The following ADRA1B variants were observed in gnomAD, a reference collection of about 807,000 sequenced individuals.
The protein encoded by ADRA1B is alpha-1B adrenergic receptor.
ADRA1B carries 17 observed loss-of-function variants against 17.9 expected under a neutral mutation model. The observed-to-expected ratio is 0.95, with a 90% CI of 0.65 to 1.42. The LOEUF is 1.42. Among genes scored for constraint, ADRA1B ranks in the 40% most tolerant of loss-of-function variants. The pLI is 0.00. For synonymous variants in ADRA1B, 366 were observed against 327.6 expected, an observed-to-expected ratio of 1.12 and a Z score of -1.27; for missense variants, 681 against 722.1, an observed-to-expected ratio of 0.94 and a Z score of 0.65.
intron 1 of ADRA1B, among the ~76,000 whole-genome samples, chr5:159,892,772 G>A (rs1753998849): frequency 6.6e-6 from 1 of 152,158 alleles, no homozygotes; most frequent in South Asian, 2.1e-4. Context: ...CTTTGCTACT[G>A]TGAATAGTGT....
At position 159,907,891 on chromosome 5, in the gene ADRA1B, C is replaced by T. The variant is rs200430660; in HGVS notation, c.-255-8228C>T. On this transcript the variant is annotated intron_variant, in intron 1 of 2. Transcript: ENST00000641205. ...AAGCTACTTCCTTAGGGCTAACTGG[C>T]GTTTCTCATGCTGTCTTTGTCTTTG... Among the ~76,000 whole-genome samples the T allele has an allele frequency of 1.2e-4, 18 of 152,028 alleles. No individual in the cohort carries two copies. In the East Asian group the frequency reaches 2.3e-3, roughly 20 times the overall value.
At chr5:159,974,401 G>A (rs1467416540), downstream of ADRA1B, among the ~76,000 whole-genome samples, 2 of 152,274 alleles carry the variant, frequency 1.3e-5, no homozygotes, top group African/African-American at 2.4e-5. Context: ...TTGGGAGGCC[G>A]AGACGGGTGG....
intron 1 of ADRA1B, among the ~76,000 whole-genome samples, chr5:159,908,803 G>C (rs1038559432): frequency 2.0e-5 from 3 of 152,154 alleles, no homozygotes; most frequent in African/African-American, 7.2e-5. Flanking sequence ...AATTCAAATG[G>C]GGCCAAAGAA....
In ADRA1B at chr5:159,954,232, A is replaced by AATTT. The variant is rs139587864; in HGVS notation, c.950-17643_950-17640dup. 1.9e-3 allele frequency among the ~76,000 whole-genome samples: 293 copies of AATTT among 152,168 alleles called. 1 individual carries two copies. The East Asian group carries it at 0.031, about 16-fold the overall frequency. On this transcript the variant is annotated intron_variant, in intron 1 of 1. Transcript: ENST00000306675. Reference sequence around the variant, plus strand: ...GACCAGGTGGCTTATCAACAACAGAAATTTATTCCTCACAGTTCTGGAGGC... The same window carrying AATTT: ...GACCAGGTGGCTTATCAACAACAGAAATTTATTTATTCCTCACAGTTCTGGAGGC...
At chr5:159,891,413 C>A (rs1753982177) in intron 1 of ADRA1B, among the ~76,000 whole-genome samples, 2 of 152,176 alleles carry the variant, frequency 1.3e-5, no homozygotes, top group Admixed American at 6.5e-5. Context: ...TAAGACCCAG[C>A]CCCTCAGGGA....
At chr5:159,875,024 G>A (rs1183813489) in intron 1 of ADRA1B, among the ~76,000 whole-genome samples, 1 of 152,078 alleles carries the variant, frequency 6.6e-6, no homozygotes, top group Admixed American at 6.6e-5. Context: ...AAACAGGATG[G>A]CAATTTCCTG....
chr5:159,905,577 G>A lies in ADRA1B; in HGVS notation c.-255-10542G>A, dbSNP rs1323278132. On this transcript the variant is annotated intron_variant, in intron 1 of 2. Transcript: ENST00000641205. ...CCATTAGACAATGCACTAGTCCCTT[G>A]GAGGAACAAAAAGAAACACTGCCCT... Among the ~76,000 whole-genome samples the A allele has an allele frequency of 3.9e-5, 6 of 152,174 alleles. No homozygotes were observed. In the East Asian group the frequency reaches 1.2e-3, roughly 29 times the overall value.
In ADRA1B at chr5:159,972,334, G is replaced by T; in HGVS notation, c.1405G>T (p.Asp469Tyr). The change falls in exon 2 of 2, where the codon GAC (aspartate) becomes TAC (tyrosine). Residue 469 changes from aspartate (D) to tyrosine (Y), a missense_variant. Asp to Tyr is a radical substitution (Grantham distance 160). Around this residue, in one of 3 missense-constraint regions of ADRA1B, gnomAD observed 251 missense variants for 224.9 expected, o/e 1.12. Transcript: ENST00000306675. ...GCCCCCCGGCCGCCGCGGCCGCCACGACTCGGGCCCGCTCTTCACCTTCAA... is the reference window on the plus strand; with the variant it reads ...GCCCCCCGGCCGCCGCGGCCGCCACTACTCGGGCCCGCTCTTCACCTTCAA... Reference protein sequence around the residue: ...PEPPGRRGRHDSGPLFTFKLL... With the variant: ...PEPPGRRGRHYSGPLFTFKLL... 1 of 1,445,530 alleles carries T rather than the reference G, an allele frequency of 6.9e-7. No homozygotes were observed. The highest frequency in any genetic ancestry group is 1.4e-5 in the South Asian group (1 of 73,480). 89.5% of individuals were successfully genotyped at this position (1,445,530 alleles called of 1,614,324 possible). A position where few individuals can be genotyped will look rare whatever the true frequency, so the allele number is the denominator to read the frequency against.
intron 1 of ADRA1B, among the ~76,000 whole-genome samples, chr5:159,899,283 G>GAAGA (rs879931324): frequency 0.013 from 1,872 of 145,326 alleles, 14 homozygotes; most frequent in South Asian, 0.028. Context: ...AGGAAGGAAG[G>GAAGA]AAGGAAGGAA....
chr5:159,971,675 G>C (rs190050629), intron 1 of ADRA1B, among the ~76,000 whole-genome samples: 2 of 152,300 alleles, frequency 1.3e-5, no homozygotes, highest in East Asian at 3.9e-4. Flanking sequence ...AAGTTATTGA[G>C]GCTGGCCCTA....
intron 1 of ADRA1B, among the ~76,000 whole-genome samples, chr5:159,866,503 C>T (rs920629906): frequency 6.6e-6 from 1 of 151,400 alleles, no homozygotes; most frequent in Admixed American, 6.6e-5. Context: ...AGGAGAATCA[C>T]TGGAACCCGG....
intron 1 of ADRA1B, among the ~76,000 whole-genome samples, chr5:159,946,008 A>G (rs1451463610): frequency 1.3e-5 from 2 of 152,134 alleles, no homozygotes; most frequent in African/African-American, 4.8e-5. Flanking sequence ...CGGCCTCCCA[A>G]AGTGCTGGGA....
intron 1 of ADRA1B, among the ~76,000 whole-genome samples, chr5:159,939,878 G>A (rs1755076343): frequency 6.6e-6 from 1 of 152,102 alleles, no homozygotes; most frequent in South Asian, 2.1e-4. Flanking sequence ...CAAATTTAAT[G>A]TCTCCTTTGC....
In ADRA1B at chr5:159,920,921, G is replaced by C. The variant is rs558333923; in HGVS notation, c.949+3067G>C. Among the ~76,000 whole-genome samples, 411 of 152,308 alleles carry C rather than the reference G, an allele frequency of 2.7e-3. 2 individuals carry two copies. The highest frequency in any genetic ancestry group is 9.6e-3 in the African/African-American group (401 of 41,578). ...GGGGGAGGACTGTGTTTGGCAAAGG[G>C]AGAAGTGCAGGTAGGAGCAACTTCC... On this transcript the variant is annotated intron_variant, in intron 1 of 1. Coordinates refer to ENST00000306675, the MANE Select transcript of ADRA1B (RefSeq NM_000679.4).
intron 1 of ADRA1B, among the ~76,000 whole-genome samples, chr5:159,922,354 G>A (rs1581035936): frequency 6.6e-6 from 1 of 152,168 alleles, no homozygotes; most frequent in South Asian, 2.1e-4. Context: ...AAGTGATAGG[G>A]CCAAAAGTTG....
At chr5:159,875,519 A>G (rs1753792109) in intron 1 of ADRA1B, among the ~76,000 whole-genome samples, 1 of 152,198 alleles carries the variant, frequency 6.6e-6, no homozygotes, top group African/African-American at 2.4e-5. Context: ...ACAGTATCTT[A>G]CTTTAAAATT....
intron 1 of ADRA1B, among the ~76,000 whole-genome samples, chr5:159,901,422 G>T (rs1272695308): frequency 2.9e-4 from 33 of 112,328 alleles, no homozygotes; most frequent in Non-Finnish European, 4.9e-4. Context: ...GGAGAAGGGG[G>T]AGGGAGAGGG....
intron 1 of ADRA1B, chr5:159,955,023 C>A (rs1428532249): frequency 2.0e-6 from 1 of 510,436 alleles, no homozygotes; most frequent in Non-Finnish European, 2.5e-6. Context: ...AAGGGTTCAT[C>A]TTGCTGGAAC....
chr5:159,917,555 C>A lies in ADRA1B; in HGVS notation c.650C>A (p.Ala217Glu). The change falls in exon 1 of 2, where the codon GCG (alanine) becomes GAG (glutamate). Residue 217 changes from alanine (A) to glutamate (E), a missense_variant. Physicochemically the swap from Ala to Glu is moderately radical, Grantham distance 107. Coordinates refer to ENST00000306675, the MANE Select transcript of ADRA1B (RefSeq NM_000679.4). ...SSLGSFYIPL[A>E]VILVMYCRVY... Reference sequence around the variant, plus strand: ...CTGGGCTCCTTCTACATCCCTCTGGCGGTCATTCTAGTCATGTACTGCCGT... The same window carrying A: ...CTGGGCTCCTTCTACATCCCTCTGGAGGTCATTCTAGTCATGTACTGCCGT... 1 of 1,613,990 alleles carries A rather than the reference C, an allele frequency of 6.2e-7. No individual in the cohort carries two copies. The highest frequency in any genetic ancestry group is 8.5e-7 in the Non-Finnish European group (1 of 1,179,980).
Sources: allele counts gnomAD v4.1 joint callset (sites outside exome capture counted in the v4.1 genomes callset), GRCh38; gene constraint gnomAD v4.1.1; regional missense constraint gnomAD v4.1.1; transcripts MANE v1.5; gene names NCBI Gene and HGNC (gene_info 2026-07-23, HGNC 2026-07-21).